The following NCKAP5 variants were observed in gnomAD, a reference collection of about 807,000 sequenced individuals.
NCKAP5 encodes the protein nck-associated protein 5.
A neutral mutation model predicts 167.0 loss-of-function variants in NCKAP5; 92 were observed. The observed-to-expected ratio is 0.55, with a 90% CI of 0.47 to 0.66. The LOEUF (loss-of-function observed/expected upper bound fraction) is 0.66. NCKAP5 is among the 30% of genes least tolerant of loss of function. The probability of loss-of-function intolerance (pLI) is 0.00; values close to 1 mark genes in which losing one functional copy is unlikely to be tolerated. For synonymous variants in NCKAP5, 891 were observed against 877.4 expected (o/e 1.02, Z -0.27); for missense variants, 2,378 against 2,315.0 (o/e 1.03, Z -0.56).
At chr2:132,767,020 T>A (rs1443485675) in intron 16 of NCKAP5, among the ~76,000 whole-genome samples, 2 of 152,148 alleles carry the variant, frequency 1.3e-5, no homozygotes, top group Admixed American at 1.3e-4. Flanking sequence ...CCAAACCTCC[T>A]CTGTTTGGCT....
At chr2:133,649,030 C>T in the NCKAP5 span, among the ~76,000 whole-genome samples, 1 of 151,662 alleles carries the variant, frequency 6.6e-6, no homozygotes, top group African/African-American at 2.4e-5. Context: ...GACTCAAATA[C>T]ATAAAATCAA....
At chr2:133,045,394 T>C (rs1559082872) in intron 6 of NCKAP5, among the ~76,000 whole-genome samples, 1 of 150,194 alleles carries the variant, frequency 6.7e-6, no homozygotes. Context: ...TATATATATA[T>C]ACATAATTAA....
chr2:133,258,695 G>C (rs1022246758), intron 4 of NCKAP5, among the ~76,000 whole-genome samples: 8 of 151,516 alleles, frequency 5.3e-5, no homozygotes, highest in African/African-American at 1.9e-4. Context: ...GCAGTGAGCC[G>C]AGATTGTGCC....
chr2:133,023,772 C>G (rs1465373620), intron 6 of NCKAP5, among the ~76,000 whole-genome samples: 1 of 152,174 alleles, frequency 6.6e-6, no homozygotes, highest in South Asian at 2.1e-4. Context: ...CTGCAGAGGA[C>G]ATGATTTCAT....
intron 6 of NCKAP5, among the ~76,000 whole-genome samples, chr2:133,049,009 C>A (rs1209692182): frequency 2.6e-5 from 4 of 152,144 alleles, no homozygotes; most frequent in Non-Finnish European, 5.9e-5. Context: ...TACGATCAAC[C>A]AGAACTCCAC....
chr2:133,325,652 C>T (rs1212839499), intron 3 of NCKAP5, among the ~76,000 whole-genome samples: 3 of 152,150 alleles, frequency 2.0e-5, no homozygotes, highest in African/African-American at 2.4e-5. Context: ...ATCACTCCCC[C>T]GCAGCTCTGT....
intron 19 of NCKAP5, among the ~76,000 whole-genome samples, chr2:132,690,318 T>C (rs973778680): frequency 3.3e-5 from 5 of 152,210 alleles, no homozygotes; most frequent in African/African-American, 1.2e-4. Context: ...CAGGGCTGGT[T>C]CCTGCTTTGT....
chr2:133,229,175 T>C (rs1303181925), intron 4 of NCKAP5, among the ~76,000 whole-genome samples: 1 of 152,156 alleles, frequency 6.6e-6, no homozygotes, highest in African/African-American at 2.4e-5. Flanking sequence ...AATGTTTTTG[T>C]AGAAAAAAAA....
intron 11 of NCKAP5, among the ~76,000 whole-genome samples, chr2:132,849,001 A>C (rs1688881056): frequency 6.6e-6 from 1 of 152,242 alleles, no homozygotes; most frequent in Non-Finnish European, 1.5e-5. Context: ...ATGAAATAGA[A>C]AGTGTCCGAT....
chr2:132,944,459 G>A (rs913586119), intron 8 of NCKAP5, among the ~76,000 whole-genome samples: 33 of 152,274 alleles, frequency 2.2e-4, no homozygotes, highest in Admixed American at 1.8e-3. Flanking sequence ...TCCAACAACC[G>A]TGTTAGGTAC....
chr2:132,687,426 T>C (rs1430520153), intron 19 of NCKAP5, among the ~76,000 whole-genome samples: 1 of 151,898 alleles, frequency 6.6e-6, no homozygotes, highest in East Asian at 1.9e-4. Flanking sequence ...AGACTTAGAG[T>C]TTCAGATAGT....
At chr2:133,421,588 G>GA (rs5834359) in intron 3 of NCKAP5, among the ~76,000 whole-genome samples, 2,435 of 152,236 alleles carry the variant, frequency 0.016, 64 homozygotes, top group African/African-American at 0.055. Flanking sequence ...GAGCGTCTGG[G>GA]ATACAAGCCA....
At chr2:133,324,015 A>G (rs1559384245) in intron 3 of NCKAP5, among the ~76,000 whole-genome samples, 1 of 152,244 alleles carries the variant, frequency 6.6e-6, no homozygotes, top group Non-Finnish European at 1.5e-5. Flanking sequence ...TCTGAGCTCC[A>G]GACAGAAATA....
intron 17 of NCKAP5, among the ~76,000 whole-genome samples, chr2:132,731,011 C>T (rs1347545834): frequency 6.6e-6 from 1 of 152,214 alleles, no homozygotes; most frequent in Non-Finnish European, 1.5e-5. Flanking sequence ...ATCATCAACT[C>T]ATACATGAAA....
chr2:133,406,119 A>G (rs149935230), intron 3 of NCKAP5, among the ~76,000 whole-genome samples: 1 of 152,314 alleles, frequency 6.6e-6, no homozygotes, highest in Non-Finnish European at 1.5e-5. Flanking sequence ...CATGTCATCA[A>G]TAAGTCAACA....
chr2:133,058,101 C>A (rs76853503), intron 6 of NCKAP5, among the ~76,000 whole-genome samples: 3 of 152,086 alleles, frequency 2.0e-5, no homozygotes, highest in Non-Finnish European at 4.4e-5. Flanking sequence ...TGTTTTAAAC[C>A]CAGTGTTGAG....
chr2:133,137,406 TTGTGTGTGTGTGTGTGTGTGTGTGTGTG>T (rs58955655), intron 5 of NCKAP5, among the ~76,000 whole-genome samples: 1 of 136,204 alleles, frequency 7.3e-6, no homozygotes, highest in African/African-American at 2.8e-5. Context: ...GAGCTTGGTT[TTGTGTGTGTGTGTGTGTGTGTGTGTGTG>T]TGTGTGTGTG....
chr2:132,858,541 A>G (rs1156323297), intron 11 of NCKAP5, among the ~76,000 whole-genome samples: 1 of 152,246 alleles, frequency 6.6e-6, no homozygotes, highest in Non-Finnish European at 1.5e-5. Flanking sequence ...AATAATTAAC[A>G]CACCATCTGA....
intron 3 of NCKAP5, among the ~76,000 whole-genome samples, chr2:133,365,318 A>G (rs1685383447): frequency 6.6e-6 from 1 of 152,188 alleles, no homozygotes; most frequent in South Asian, 2.1e-4. Flanking sequence ...CTGGCGAAGC[A>G]CATTGTCTGA....
Sources: gnomAD v4.1 joint callset for allele counts (sites outside exome capture counted in the v4.1 genomes callset) on GRCh38, gnomAD v4.1.1 for gene constraint, MANE v1.5 for transcripts, NCBI Gene and HGNC (gene_info 2026-07-23, HGNC 2026-07-21) for gene names.